Variants in SUCLA2 observed in about 807,000 individuals in gnomAD.
SUCLA2 encodes the protein succinate--CoA ligase [ADP-forming] subunit beta, mitochondrial.
SUCLA2 carries 30 observed loss-of-function variants against 54.8 expected under a neutral mutation model. The ratio of observed to expected loss-of-function variants is 0.55; its 90% CI spans 0.41 to 0.74. The LOEUF is 0.74. SUCLA2 is among the 30% of genes least tolerant of loss of function. SUCLA2 has a pLI of 0.00. For missense variants in SUCLA2, 476 were observed against 562.9 expected, an observed-to-expected ratio of 0.85 and a Z score of 1.56; for synonymous variants, 172 against 188.9, an observed-to-expected ratio of 0.91 and a Z score of 0.74.
intron 6 of SUCLA2, among the ~76,000 whole-genome samples, chr13:47,954,798 A>G (rs566015259): frequency 1.1e-4 from 17 of 152,322 alleles, no homozygotes; most frequent in Admixed American, 1.1e-3. Context: ...CATAAAGAAA[A>G]AGAAAACCTC....
At position 47,943,043 on chromosome 13, in the gene SUCLA2, T is replaced by C. The variant is rs13243; in HGVS notation, c.*328A>G. On this transcript the variant is annotated 3_prime_UTR_variant, in exon 11 of 11. Transcript: ENST00000646932. ...TAAAGAATAAAGCTTTATCTTCGTA[T>C]TTATCTTATTTATAGGACTCTTATC... 30,780 of 302,492 alleles carry C rather than the reference T, an allele frequency of 0.1. 2,039 individuals are homozygous for C. Among genetic ancestry groups the C allele is most frequent in the South Asian group, 0.18 (4,947 of 26,844 alleles). The allele number at this position is 302,492 out of a possible 1,614,324, so 18.7% of individuals were successfully genotyped here. A position where few individuals can be genotyped will look rare whatever the true frequency, so the allele number is the denominator to read the frequency against.
chr13:47,982,212 A>G (rs1242037092), intron 4 of SUCLA2, among the ~76,000 whole-genome samples: 1 of 152,222 alleles, frequency 6.6e-6, no homozygotes, highest in African/African-American at 2.4e-5. Context: ...GTCCATCAAA[A>G]GATGAATGGA....
intron 4 of SUCLA2, among the ~76,000 whole-genome samples, chr13:47,981,555 GC>G (rs1950060319): frequency 6.6e-6 from 1 of 152,194 alleles, no homozygotes; most frequent in East Asian, 1.9e-4. Flanking sequence ...GTGGGCTCAT[GC>G]CTGTATTCCC....
chr13:47,949,427 G>A, intron 9 of SUCLA2, 56 bp downstream of exon 9: 1 of 1,599,344 alleles, frequency 6.3e-7, no homozygotes, highest in Non-Finnish European at 8.6e-7. Flanking sequence ...TGAACTCCAT[G>A]GAAATGTGAA....
chr13:47,946,111 G>A (rs1949729543), intron 10 of SUCLA2, among the ~76,000 whole-genome samples: 1 of 152,162 alleles, frequency 6.6e-6, no homozygotes, highest in Non-Finnish European at 1.5e-5. Context: ...CACCACAAAG[G>A]TGAGTATAGA....
chr13:47,945,200 G>A (rs1482913441), intron 10 of SUCLA2, among the ~76,000 whole-genome samples: 1 of 136,590 alleles, frequency 7.3e-6, no homozygotes, highest in Non-Finnish European at 1.5e-5. Context: ...AGTGAGCCGA[G>A]ATCACACCAC....
At position 47,996,890 on chromosome 13, in the gene SUCLA2, T is replaced by A. The variant is rs779012982; in HGVS notation, c.224A>T (p.Tyr75Phe). Residue 75 changes from tyrosine (Y) to phenylalanine (F), a missense_variant, in exon 2 of 11, where the codon TAT becomes TTT. Physicochemically the swap from Tyr to Phe is conservative, Grantham distance 22. Transcript: ENST00000646932. ...QEAGVSVPKG[Y>F]VAKSPDEAYA... is the part of the protein sequence containing the mutation. ...AGCTTCATCTGGTGACTTTGCCACA[T>A]ATCCTTTGGGAACGGAGACACCAGC... 7 of 1,613,864 alleles carry A rather than the reference T, an allele frequency of 4.3e-6. No homozygotes were observed. Among genetic ancestry groups the A allele is most frequent in the Non-Finnish European group, 5.9e-6 (7 of 1,179,920 alleles).
chr13:47,953,981 G>A (rs1386587085), intron 8 of SUCLA2, among the ~76,000 whole-genome samples, 159 bp downstream of exon 8: 1 of 151,538 alleles, frequency 6.6e-6, no homozygotes. Context: ...TTGGTGAATT[G>A]CAAAAATCTT....
chr13:47,989,286 C>T (rs1277313119), intron 2 of SUCLA2, among the ~76,000 whole-genome samples: 2 of 151,432 alleles, frequency 1.3e-5, no homozygotes, highest in South Asian at 2.1e-4. Context: ...TCTCGGCTCA[C>T]TGTAAGCTCC....
At chr13:47,966,288 A>G (rs1949917661) in intron 6 of SUCLA2, among the ~76,000 whole-genome samples, 1 of 152,090 alleles carries the variant, frequency 6.6e-6, no homozygotes, top group African/African-American at 2.4e-5. Flanking sequence ...AAGTAAGGGG[A>G]AAAAAGCACA....
At chr13:47,989,084 T>A (rs1486797019) in intron 2 of SUCLA2, 103 bp from the exon 3 acceptor site, 1 of 1,142,116 alleles carries the variant, frequency 8.8e-7, no homozygotes, top group Non-Finnish European at 1.3e-6. Flanking sequence ...TTAAATCAAG[T>A]CTAATTTATT....
At chr13:47,999,069 A>T (rs1950209837) in intron 1 of SUCLA2, among the ~76,000 whole-genome samples, 1 of 152,186 alleles carries the variant, frequency 6.6e-6, no homozygotes, top group Non-Finnish European at 1.5e-5. Flanking sequence ...CATGTAAATA[A>T]ACAACTGCAA....
At chr13:47,976,648 A>T (rs1950016045) in intron 4 of SUCLA2, among the ~76,000 whole-genome samples, 1 of 152,142 alleles carries the variant, frequency 6.6e-6, no homozygotes, top group African/African-American at 2.4e-5. Flanking sequence ...CTAAGAAAAC[A>T]CACCCAGCTC....
At chr13:47,987,371 T>C (rs1020382631) in intron 4 of SUCLA2, among the ~76,000 whole-genome samples, 5 of 152,120 alleles carry the variant, frequency 3.3e-5, no homozygotes, top group Non-Finnish European at 7.4e-5. Context: ...GATGCCGATA[T>C]ATAATGTCAA....
At chr13:47,979,137 C>G (rs999029588) in intron 4 of SUCLA2, among the ~76,000 whole-genome samples, 1 of 152,152 alleles carries the variant, frequency 6.6e-6, no homozygotes, top group Admixed American at 6.5e-5. Context: ...ACCAGAAATA[C>G]CATTTGACCC....
At chr13:47,989,280 G>A (rs1233584726) in intron 2 of SUCLA2, among the ~76,000 whole-genome samples, 2 of 148,924 alleles carry the variant, frequency 1.3e-5, no homozygotes, top group East Asian at 2.0e-4. Flanking sequence ...GCGCGATCTC[G>A]GCTCACTGTA....
chr13:47,984,185 T>C (rs1950081000), intron 4 of SUCLA2, among the ~76,000 whole-genome samples: 1 of 152,058 alleles, frequency 6.6e-6, no homozygotes, highest in South Asian at 2.1e-4. Flanking sequence ...TTAATAATTC[T>C]ACTTTTCACT....
At chr13:47,973,198 A>C in intron 5 of SUCLA2, 66 bp downstream of exon 5, 1 of 1,369,204 alleles carries the variant, frequency 7.3e-7, no homozygotes, top group South Asian at 1.2e-5. Context: ...CTTCAGTTGT[A>C]CGGTTATCTT....
chr13:47,990,464 A>G (rs915436714), intron 2 of SUCLA2, among the ~76,000 whole-genome samples: 27 of 152,344 alleles, frequency 1.8e-4, no homozygotes, highest in African/African-American at 6.0e-4. Context: ...CAGTTAAAAA[A>G]AAAGAGTAAT....
Sources: gnomAD v4.1 joint callset for allele counts (sites outside exome capture counted in the v4.1 genomes callset) on GRCh38, gnomAD v4.1.1 for gene constraint, MANE v1.5 for transcripts, NCBI Gene and HGNC (gene_info 2026-07-23, HGNC 2026-07-21) for gene names.